Variants in FAM13A observed in about 807,000 individuals in gnomAD.
FAM13A encodes the protein protein FAM13A.
FAM13A carries 76 observed loss-of-function variants against 129.6 expected under a neutral mutation model. That is an observed-to-expected ratio of 0.59 (90% confidence interval 0.49 to 0.71). The LOEUF (loss-of-function observed/expected upper bound fraction) is 0.71. Among genes scored for constraint, FAM13A ranks in the 30% least tolerant of loss-of-function variants. FAM13A has a pLI of 0.00. For synonymous variants in FAM13A, 443 were observed against 449.9 expected, an observed-to-expected ratio of 0.98 and a Z score of 0.20; for missense variants, 1,108 against 1,249.3, an observed-to-expected ratio of 0.89 and a Z score of 1.70.
chr4:88,851,286 T>C, intron 6 of FAM13A, 103 bp from the exon 7 acceptor site: 1 of 1,078,918 alleles, frequency 9.3e-7, no homozygotes, highest in South Asian at 1.8e-5. Context: ...TTTGCAATAA[T>C]CCAATTTATA....
At chr4:88,961,524 T>C (rs1758618725) in intron 4 of FAM13A, among the ~76,000 whole-genome samples, 1 of 151,880 alleles carries the variant, frequency 6.6e-6, no homozygotes, top group Non-Finnish European at 1.5e-5. Flanking sequence ...TGCACCACAA[T>C]GCCCGGCTAA....
chr4:88,948,246 T>C (rs1756280630), intron 4 of FAM13A, among the ~76,000 whole-genome samples: 1 of 152,166 alleles, frequency 6.6e-6, no homozygotes, highest in African/African-American at 2.4e-5. Context: ...ACAACTCATA[T>C]AGTGTAGGTT....
chr4:88,893,763 G>A (rs1745810121), intron 6 of FAM13A, among the ~76,000 whole-genome samples: 1 of 150,650 alleles, frequency 6.6e-6, no homozygotes, highest in South Asian at 2.1e-4. Flanking sequence ...GGGAGGCGGA[G>A]CTGCAGTGAG....
intron 4 of FAM13A, among the ~76,000 whole-genome samples, chr4:88,987,952 C>T (rs957161695): frequency 1.3e-5 from 2 of 149,078 alleles, no homozygotes; most frequent in Non-Finnish European, 3.0e-5. Context: ...AATAATCAGA[C>T]AAATCCACAC....
chr4:88,989,329 C>T (rs1177023949), intron 4 of FAM13A, among the ~76,000 whole-genome samples: 6 of 151,988 alleles, frequency 3.9e-5, no homozygotes, highest in Non-Finnish European at 8.8e-5. Flanking sequence ...TGGCCAGGCA[C>T]AGTGGCTCAT....
Position 88,743,056 on chromosome 4 carries a change from A to G in FAM13A, c.2466+3876T>C, listed in dbSNP as rs796323961. Among the ~76,000 whole-genome samples the G allele has an allele frequency of 3.3e-5, 5 of 152,356 alleles. No individual in the cohort carries two copies. The South Asian group carries it at 8.3e-4, about 25-fold the overall frequency. ...TTATCATTAAGATGTATTTTTGCACATAAGTCAAACAACATAAATATCCAG... is the reference window on the plus strand; with the variant it reads ...TTATCATTAAGATGTATTTTTGCACGTAAGTCAAACAACATAAATATCCAG... On this transcript the variant is annotated intron_variant, in intron 19 of 23. Coordinates refer to ENST00000264344, the MANE Select transcript of FAM13A (RefSeq NM_014883.4).
intron 1 of FAM13A, among the ~76,000 whole-genome samples, chr4:89,036,039 T>TA (rs1769351579): frequency 6.6e-6 from 1 of 152,176 alleles, no homozygotes; most frequent in African/African-American, 2.4e-5. Flanking sequence ...GAGTGGGCAT[T>TA]GCTATAAAGA....
chr4:89,014,266 C>T (rs1766155478), intron 3 of FAM13A, among the ~76,000 whole-genome samples: 1 of 152,194 alleles, frequency 6.6e-6, no homozygotes, highest in Non-Finnish European at 1.5e-5. Context: ...GGAAGAGGTG[C>T]TGCTGACAAC....
chr4:88,870,435 C>G (rs1024767249), intron 6 of FAM13A, among the ~76,000 whole-genome samples: 3 of 152,234 alleles, frequency 2.0e-5, no homozygotes, highest in Admixed American at 6.5e-5. Context: ...TGCCCTAATA[C>G]TGCAATTTTC....
intron 7 of FAM13A, among the ~76,000 whole-genome samples, chr4:88,819,709 T>G (rs1731507095): frequency 6.6e-6 from 1 of 152,104 alleles, no homozygotes; most frequent in South Asian, 2.1e-4. Flanking sequence ...ATTTCTGATA[T>G]TATTTTATTT....
intron 6 of FAM13A, among the ~76,000 whole-genome samples, chr4:88,904,786 G>C (rs946234944): frequency 6.6e-6 from 1 of 152,018 alleles, no homozygotes. Context: ...CAAAGTTGAA[G>C]AGAAAAAAGA....
At chr4:88,815,597 T>C (rs528223392) in intron 7 of FAM13A, among the ~76,000 whole-genome samples, 21 of 152,308 alleles carry the variant, frequency 1.4e-4, no homozygotes, top group African/African-American at 4.1e-4. Flanking sequence ...GAAAAGGACA[T>C]AGATCAAAAG....
At chr4:88,741,053 G>C (rs572751573) in intron 19 of FAM13A, among the ~76,000 whole-genome samples, 3 of 152,262 alleles carry the variant, frequency 2.0e-5, no homozygotes, top group Admixed American at 1.3e-4. Flanking sequence ...TGAACATCTG[G>C]AACTCTCCTT....
chr4:89,030,511 T>A (rs183436490), intron 1 of FAM13A, among the ~76,000 whole-genome samples: 20 of 152,126 alleles, frequency 1.3e-4, no homozygotes, highest in Admixed American at 1.3e-3. Context: ...GCAGAGGCAG[T>A]AAAATTGGAG....
At chr4:88,730,899 C>T (rs940028664) in intron 23 of FAM13A, among the ~76,000 whole-genome samples, 2 of 152,236 alleles carry the variant, frequency 1.3e-5, no homozygotes, top group African/African-American at 4.8e-5. Flanking sequence ...CTCCTGGGTT[C>T]AAGCAATCCT....
intron 1 of FAM13A, among the ~76,000 whole-genome samples, chr4:89,055,755 C>A (rs1311498543): frequency 6.6e-6 from 1 of 152,070 alleles, no homozygotes; most frequent in Non-Finnish European, 1.5e-5. Flanking sequence ...AAAAGAATAA[C>A]CACATGGATA....
intron 6 of FAM13A, among the ~76,000 whole-genome samples, chr4:88,853,186 C>T (rs527553610): frequency 3.0e-4 from 46 of 152,232 alleles, no homozygotes; most frequent in African/African-American, 1.1e-3. Context: ...TACAAAAACA[C>T]TTCTGTAGTC....
At chr4:88,955,515 A>G (rs1056562316) in intron 4 of FAM13A, among the ~76,000 whole-genome samples, 25 of 152,220 alleles carry the variant, frequency 1.6e-4, no homozygotes, top group Non-Finnish European at 2.2e-4. Flanking sequence ...CTGTAAAGAT[A>G]CCCAAAAAAT....
In FAM13A at chr4:88,745,051, C is replaced by T. The variant is rs182177692; in HGVS notation, c.2466+1881G>A. Among the ~76,000 whole-genome samples the T allele has an allele frequency of 4.6e-5, 7 of 152,220 alleles. No individual in the cohort carries two copies. The South Asian group carries it at 1.5e-3, about 32-fold the overall frequency. On this transcript the variant is annotated intron_variant, in intron 19 of 23. Transcript: ENST00000264344. ...CAGAAGGAGGCCACAGAAAGTAGAA[C>T]GTGTAATTGTAACAGAGGTGAAAAC...
Sources: gnomAD v4.1 joint callset for allele counts (sites outside exome capture counted in the v4.1 genomes callset) on GRCh38, gnomAD v4.1.1 for gene constraint, MANE v1.5 for transcripts, NCBI Gene and HGNC (gene_info 2026-07-23, HGNC 2026-07-21) for gene names.